The following TACC2 variants were observed in gnomAD, a reference collection of about 807,000 sequenced individuals.
TACC2 encodes transforming acidic coiled-coil-containing protein 2.
Under a neutral mutation model 227.3 loss-of-function variants are expected in TACC2, and 137 were observed. That is an observed-to-expected ratio of 0.60 (90% confidence interval 0.52 to 0.69). The LOEUF (loss-of-function observed/expected upper bound fraction) is 0.69, where lower values mean the gene tolerates loss of function less well. TACC2 is among the 30% of genes least tolerant of loss of function. The probability of loss-of-function intolerance (pLI) is 0.00; values close to 1 mark genes in which losing one functional copy is unlikely to be tolerated. For missense variants in TACC2, 3,470 were observed against 3,694.4 expected (o/e 0.94, Z 1.57); for synonymous variants, 1,523 against 1,487.5 (o/e 1.02, Z -0.55).
At chr10:122,246,906 G>C (rs1171129556) in intron 19 of TACC2, 1 of 152,452 alleles carries the variant, frequency 6.6e-6, no homozygotes, top group African/African-American at 2.4e-5. Context: ...AAGGACTCTA[G>C]AGGAAGAGGA....
intron 7 of TACC2, among the ~76,000 whole-genome samples, chr10:122,188,378 C>T (rs1048701206): frequency 5.3e-5 from 8 of 152,274 alleles, no homozygotes; most frequent in African/African-American, 1.9e-4. Flanking sequence ...CTCCCGGGTT[C>T]AAACAATTCT....
chr10:122,111,125 C>G (rs2083540391), intron 5 of TACC2, among the ~76,000 whole-genome samples: 1 of 152,220 alleles, frequency 6.6e-6, no homozygotes. Context: ...TTGGGTCCAC[C>G]TGGATACTCC....
chr10:122,018,553 C>T (rs1388515350), intron 1 of TACC2, among the ~76,000 whole-genome samples: 1 of 152,154 alleles, frequency 6.6e-6, no homozygotes, highest in Non-Finnish European at 1.5e-5. Flanking sequence ...TTTCCCCTTC[C>T]CCCAGCCCCT....
intron 13 of TACC2, among the ~76,000 whole-genome samples, chr10:122,227,458 A>C (rs1273680440): frequency 2.0e-5 from 3 of 152,224 alleles, no homozygotes; most frequent in Non-Finnish European, 4.4e-5. Context: ...GGTGACAGGT[A>C]CCACATTAAG....
At chr10:122,088,982 G>A (rs1252499386) in intron 5 of TACC2, among the ~76,000 whole-genome samples, 1 of 152,112 alleles carries the variant, frequency 6.6e-6, no homozygotes, top group East Asian at 1.9e-4. Context: ...GGGCACAGTG[G>A]CACGTGTCTG....
intron 16 of TACC2, among the ~76,000 whole-genome samples, chr10:122,231,013 G>C (rs139456635): frequency 1.2e-4 from 18 of 152,246 alleles, no homozygotes; most frequent in African/African-American, 4.1e-4. Flanking sequence ...CTTGTGGGCC[G>C]TACTGTCTGG....
At chr10:122,129,823 G>A (rs1475442850) in intron 5 of TACC2, among the ~76,000 whole-genome samples, 5 of 152,204 alleles carry the variant, frequency 3.3e-5, no homozygotes, top group African/African-American at 9.6e-5. Context: ...TGTTCTGGGG[G>A]AACTGGAATG....
intron 1 of TACC2, among the ~76,000 whole-genome samples, chr10:122,021,410 A>G (rs949110797): frequency 6.6e-6 from 1 of 152,168 alleles, no homozygotes; most frequent in African/African-American, 2.4e-5. Flanking sequence ...GCAGAAGTGA[A>G]ACTGATTTGA....
chr10:122,106,101 C>T (rs938928989), intron 5 of TACC2, among the ~76,000 whole-genome samples: 8 of 151,772 alleles, frequency 5.3e-5, no homozygotes, highest in African/African-American at 1.9e-4. Context: ...GATTCTCCTG[C>T]CTCAGCCTCC....
chr10:122,170,263 CT>C (rs34194262), intron 7 of TACC2, among the ~76,000 whole-genome samples: 106 of 63,200 alleles, frequency 1.7e-3, no homozygotes, highest in African/African-American at 4.0e-3. Flanking sequence ...ATGATCAAGT[CT>C]TTTTTTTTTT....
Position 122,249,539 on chromosome 10 carries a change from C to T in TACC2, c.8661-5C>T, listed in dbSNP as rs374831941. 29 of 1,613,588 alleles carry T rather than the reference C, an allele frequency of 1.8e-5. No individual in the cohort carries two copies. The highest frequency in any genetic ancestry group is 1.2e-4 in the Admixed American group (7 of 59,978). ...GTGATAATTCTGAGCTCCCTGTCTCCGCAGGGCCAATGCTGAGATTGCTCA... is the reference window on the plus strand; with the variant it reads ...GTGATAATTCTGAGCTCCCTGTCTCTGCAGGGCCAATGCTGAGATTGCTCA... On this transcript the variant is annotated splice_region_variant and splice_polypyrimidine_tract_variant and intron_variant, in intron 21 of 22. Transcript: ENST00000369005.
At chr10:122,249,733 C>G (rs2096213736) in intron 22 of TACC2, 69 bp downstream of exon 22, 3 of 1,533,660 alleles carry the variant, frequency 2.0e-6, no homozygotes, top group Non-Finnish European at 2.6e-6. Context: ...GCCAGTCCAG[C>G]TAGACAGGCT....
intron 19 of TACC2, among the ~76,000 whole-genome samples, chr10:122,246,256 C>G (rs76915802): frequency 6.6e-6 from 1 of 152,122 alleles, no homozygotes; most frequent in South Asian, 2.1e-4. Context: ...TCCACACTCA[C>G]GTGGGAGAGT....
At chr10:122,095,137 C>A (rs1027528366) in intron 5 of TACC2, among the ~76,000 whole-genome samples, 1 of 152,112 alleles carries the variant, frequency 6.6e-6, no homozygotes, top group Non-Finnish European at 1.5e-5. Context: ...GGCAAGTTTC[C>A]CCCCAGATGC....
chr10:122,059,557 T>C (rs1176413225), intron 3 of TACC2, among the ~76,000 whole-genome samples: 1 of 66,256 alleles, frequency 1.5e-5, no homozygotes, highest in African/African-American at 3.5e-5. Flanking sequence ...TCCTGTTCTC[T>C]CCTCTTTTTT....
At chr10:122,062,025 CTTTTTTTTTTTT>C (rs140523380) in intron 3 of TACC2, among the ~76,000 whole-genome samples, 2 of 63,968 alleles carry the variant, frequency 3.1e-5, no homozygotes, top group Admixed American at 2.6e-4. Flanking sequence ...GTCAGAGCGG[CTTTTTTTTTTTT>C]TTTTTTTTTT....
chr10:122,025,874 C>CTAT (rs879260659), intron 2 of TACC2, among the ~76,000 whole-genome samples: 1 of 151,504 alleles, frequency 6.6e-6, no homozygotes, highest in Non-Finnish European at 1.5e-5. Flanking sequence ...GCACCCCGGC[C>CTAT]TATTATTATT....
intron 8 of TACC2, among the ~76,000 whole-genome samples, chr10:122,203,521 C>T (rs951189979): frequency 2.1e-5 from 3 of 141,782 alleles, no homozygotes; most frequent in Non-Finnish European, 3.1e-5. Flanking sequence ...ACTTCTCAGA[C>T]GGGGCGGCCG....
At chr10:122,115,478 G>C (rs2084517806) in intron 5 of TACC2, among the ~76,000 whole-genome samples, 1 of 152,240 alleles carries the variant, frequency 6.6e-6, no homozygotes, top group East Asian at 1.9e-4. Context: ...AGTGACTGGG[G>C]AGGATGCTAT....
Sources: gnomAD v4.1 joint callset for allele counts (sites outside exome capture counted in the v4.1 genomes callset) on GRCh38, gnomAD v4.1.1 for gene constraint, MANE v1.5 for transcripts, NCBI Gene and HGNC (gene_info 2026-07-23, HGNC 2026-07-21) for gene names.